AKAP13: variants seen among roughly 807,000 people sequenced by gnomAD.
AKAP13 encodes A-kinase anchor protein 13.
AKAP13 carries 80 observed loss-of-function variants against 264.5 expected under a neutral mutation model. The ratio of observed to expected loss-of-function variants is 0.30; its 90% confidence interval spans 0.25 to 0.36. AKAP13 has a LOEUF of 0.36. AKAP13 is among the 10% of genes least tolerant of loss of function. AKAP13 has a pLI of 1.00. For missense variants in AKAP13, 3,712 were observed against 3,435.2 expected, an observed-to-expected ratio of 1.08 and a Z score of -2.01; for synonymous variants, 1,380 against 1,250.2, an observed-to-expected ratio of 1.10 and a Z score of -2.19.
At chr15:85,414,673 A>T (rs1161738681) in intron 1 of AKAP13, among the ~76,000 whole-genome samples, 1 of 152,224 alleles carries the variant, frequency 6.6e-6, no homozygotes, top group East Asian at 1.9e-4. Context: ...CTTATGTTAG[A>T]GTGCCTTCTC....
chr15:85,556,765 C>G (rs887848823), intron 5 of AKAP13, among the ~76,000 whole-genome samples: 1 of 152,204 alleles, frequency 6.6e-6, no homozygotes, highest in Non-Finnish European at 1.5e-5. Flanking sequence ...TGTTCTTGTT[C>G]CCTAACTCTG....
chr15:85,741,548 C>G, intron 35 of AKAP13, 53 bp downstream of exon 35: 1 of 1,512,266 alleles, frequency 6.6e-7, no homozygotes, highest in Non-Finnish European at 8.8e-7. Context: ...ATTAAGACCC[C>G]CTGTGTATTA....
In AKAP13 at chr15:85,523,246, T is replaced by C. The variant is rs1217736150; in HGVS notation, c.181+1671T>C. Among the ~76,000 whole-genome samples the C allele has an allele frequency of 2.6e-5, 4 of 152,182 alleles. No individual in the cohort carries two copies. In the East Asian group the frequency reaches 7.8e-4, roughly 30 times the overall value. ...CACATATGAGATTTTTCTGATTACT[T>C]GTCTTTTTCAGCTACTGTCATTTGG... On this transcript the variant is annotated intron_variant, in intron 3 of 36. Transcript: ENST00000394518.
intron 1 of AKAP13, among the ~76,000 whole-genome samples, chr15:85,439,365 G>C (rs2073506146): frequency 6.6e-6 from 1 of 151,296 alleles, no homozygotes; most frequent in Admixed American, 6.6e-5. Context: ...CTTTTACACT[G>C]TTGGTGGGAC....
chr15:85,502,747 C>T (rs1467511432), intron 2 of AKAP13, among the ~76,000 whole-genome samples: 1 of 152,126 alleles, frequency 6.6e-6, no homozygotes, highest in Non-Finnish European at 1.5e-5. Flanking sequence ...AATCAGAAAG[C>T]TTAACCAGCT....
intron 33 of AKAP13, among the ~76,000 whole-genome samples, chr15:85,736,912 C>CTTTTTTTTTTTT (rs11407996): frequency 1.0e-5 from 1 of 98,044 alleles, no homozygotes; most frequent in Non-Finnish European, 1.9e-5. Flanking sequence ...ATATCATCAT[C>CTTTTTTTTTTTT]TTTTTTTTTT....
At chr15:85,661,636 G>A (rs530316686) in intron 12 of AKAP13, among the ~76,000 whole-genome samples, 21 of 152,064 alleles carry the variant, frequency 1.4e-4, no homozygotes, top group African/African-American at 4.6e-4. Flanking sequence ...CAGGAGAATC[G>A]CTTGAACCTG....
chr15:85,448,059 C>T (rs2073959688), intron 1 of AKAP13, among the ~76,000 whole-genome samples: 1 of 152,074 alleles, frequency 6.6e-6, no homozygotes, highest in South Asian at 2.1e-4. Flanking sequence ...TTAATAATAG[C>T]CATTCTGAGT....
At chr15:85,613,691 A>ATATATATATCT (rs1555450578) in intron 8 of AKAP13, among the ~76,000 whole-genome samples, 1 of 91,968 alleles carries the variant, frequency 1.1e-5, no homozygotes, top group Non-Finnish European at 2.2e-5. Flanking sequence ...AAAAAAAAAA[A>ATATATATATCT]ATATATATAT....
intron 1 of AKAP13, among the ~76,000 whole-genome samples, chr15:85,404,819 A>T (rs2071590667): frequency 6.6e-6 from 1 of 152,210 alleles, no homozygotes; most frequent in Admixed American, 6.5e-5. Flanking sequence ...GGCTGTGTTG[A>T]AAAGCCAATG....
chr15:85,471,569 T>G (rs1328006269), intron 1 of AKAP13, among the ~76,000 whole-genome samples: 3 of 152,196 alleles, frequency 2.0e-5, no homozygotes, highest in Non-Finnish European at 4.4e-5. Context: ...ATTCACCCAT[T>G]TTAAGTGCTT....
In AKAP13 at chr15:85,442,924, A is replaced by T. The variant is rs552372775; in HGVS notation, c.-11-42786A>T. Among the ~76,000 whole-genome samples the T allele has an allele frequency of 2.0e-5, 3 of 152,280 alleles. No homozygotes were observed. The South Asian group carries it at 6.2e-4, about 32-fold the overall frequency. On this transcript the variant is annotated intron_variant, in intron 1 of 36. Transcript: ENST00000394518. ...TCCCAGAAAGCTCTGTGAAGCATTA[A>T]AATTACATTAAAATAGCATGAAAAA...
intron 2 of AKAP13, among the ~76,000 whole-genome samples, chr15:85,500,570 C>G (rs1036897986): frequency 1.3e-5 from 2 of 152,102 alleles, no homozygotes; most frequent in African/African-American, 4.8e-5. Flanking sequence ...TTTATATCAG[C>G]ACGGAGGTAG....
At chr15:85,528,566 A>C (rs1301038016) in intron 3 of AKAP13, among the ~76,000 whole-genome samples, 1 of 152,196 alleles carries the variant, frequency 6.6e-6, no homozygotes, top group Non-Finnish European at 1.5e-5. Flanking sequence ...CATTTTGTGT[A>C]CAAGGAAAAC....
chr15:85,584,212 G>T (rs551726387), intron 7 of AKAP13, among the ~76,000 whole-genome samples: 168 of 152,346 alleles, frequency 1.1e-3, no homozygotes, highest in African/African-American at 3.9e-3. Context: ...GAGCCAGTTT[G>T]AAAGAAGGGG....
chr15:85,642,051 T>C (rs545661218), intron 9 of AKAP13, among the ~76,000 whole-genome samples: 1 of 152,360 alleles, frequency 6.6e-6, no homozygotes, highest in Admixed American at 6.5e-5. Context: ...GATTTACATA[T>C]GGGTCATAAA....
At chr15:85,702,125 A>C (rs2151669093) in intron 17 of AKAP13, 1 of 152,188 alleles carries the variant, frequency 6.6e-6, no homozygotes, top group Middle Eastern at 3.4e-3. Flanking sequence ...GGCGCTTGTA[A>C]TCCCCAGCTA....
intron 6 of AKAP13, among the ~76,000 whole-genome samples, chr15:85,576,355 A>C (rs1003577626): frequency 1.3e-5 from 2 of 152,192 alleles, no homozygotes; most frequent in African/African-American, 4.8e-5. Context: ...GTGTTACTAT[A>C]TTTAAATCAA....
intron 1 of AKAP13, among the ~76,000 whole-genome samples, chr15:85,479,266 C>T (rs920310607): frequency 1.3e-5 from 2 of 152,204 alleles, no homozygotes; most frequent in Admixed American, 6.5e-5. Flanking sequence ...AGCCCAGGCT[C>T]CGTGGGTTGA....
Sources: gnomAD v4.1 joint callset for allele counts (sites outside exome capture counted in the v4.1 genomes callset) on GRCh38, gnomAD v4.1.1 for gene constraint, MANE v1.5 for transcripts, NCBI Gene and HGNC (gene_info 2026-07-23, HGNC 2026-07-21) for gene names.